Variants in MARCHF1 observed in about 807,000 individuals in gnomAD.
The protein encoded by MARCHF1 is E3 ubiquitin-protein ligase MARCHF1.
MARCHF1 carries 40 observed loss-of-function variants against 54.2 expected under a neutral mutation model. That is an observed-to-expected ratio of 0.74 (90% CI 0.57 to 0.96). MARCHF1 has a LOEUF of 0.96. MARCHF1 is among the 40% of genes least tolerant of loss of function. The probability of loss-of-function intolerance (pLI) is 0.00; values close to 1 mark genes in which losing one functional copy is unlikely to be tolerated. For synonymous variants in MARCHF1, 236 were observed against 236.3 expected (o/e 1.00, Z 0.01); for missense variants, 586 against 656.5 (o/e 0.89, Z 1.17).
intron 2 of MARCHF1, among the ~76,000 whole-genome samples, chr4:164,022,349 G>A (rs994567233): frequency 2.0e-5 from 3 of 152,192 alleles, no homozygotes; most frequent in Admixed American, 1.3e-4. Context: ...CCAAAATATA[G>A]AGTAAACCAA....
chr4:164,123,701 A>G (rs1756123835), intron 1 of MARCHF1, among the ~76,000 whole-genome samples: 1 of 152,172 alleles, frequency 6.6e-6, no homozygotes, highest in African/African-American at 2.4e-5. Flanking sequence ...ACTGGGGAAA[A>G]GACAGTCTCT....
chr4:164,277,360 T>C (rs919794563), intron 1 of MARCHF1, among the ~76,000 whole-genome samples: 1 of 152,356 alleles, frequency 6.6e-6, no homozygotes, highest in South Asian at 2.1e-4. Flanking sequence ...AAGCCCTTCA[T>C]TGGCTTCACA....
chr4:163,548,128 TGTC>T lies in MARCHF1; in HGVS notation c.1192-2388_1192-2386del, dbSNP rs1261486323. 5.3e-5 allele frequency among the ~76,000 whole-genome samples: 8 copies of T among 152,218 alleles called. No individual in the cohort carries two copies. In the East Asian group the frequency reaches 5.8e-4, roughly 11 times the overall value. On this transcript the variant is annotated intron_variant, in intron 8 of 9. Coordinates refer to ENST00000514618, the MANE Select transcript of MARCHF1 (RefSeq NM_001394959.1). ...AAATCCTGTTTTGGCTTTGGTTTAT[TGTC>T]GTATTAATCTGAATAACACATATAA... is the stretch of plus-strand genomic sequence containing the variant.
intron 9 of MARCHF1, among the ~76,000 whole-genome samples, chr4:163,541,808 G>A (rs895358757): frequency 6.6e-6 from 1 of 152,146 alleles, no homozygotes; most frequent in Non-Finnish European, 1.5e-5. Context: ...AACTTTACAA[G>A]TAAATTCAGG....
At chr4:163,552,046 CT>C (rs1287914825) in intron 8 of MARCHF1, among the ~76,000 whole-genome samples, 3 of 152,190 alleles carry the variant, frequency 2.0e-5, no homozygotes, top group Admixed American at 6.5e-5. Flanking sequence ...CATAAATGCT[CT>C]GTGAGTCTAT....
At chr4:164,147,374 G>A (rs540146467) in intron 1 of MARCHF1, among the ~76,000 whole-genome samples, 33 of 146,244 alleles carry the variant, frequency 2.3e-4, no homozygotes, top group Middle Eastern at 6.8e-3. Flanking sequence ...ACATGCGCAC[G>A]TATGTTTATT....
At chr4:163,664,736 C>T (rs1211965446) in intron 5 of MARCHF1, among the ~76,000 whole-genome samples, 2 of 151,906 alleles carry the variant, frequency 1.3e-5, no homozygotes, top group Non-Finnish European at 2.9e-5. Flanking sequence ...AAGATACTCC[C>T]CATTTTATTA....
At position 163,896,491 on chromosome 4, in the gene MARCHF1, C is replaced by T. The variant is rs531633198; in HGVS notation, c.-38-42322G>A. On this transcript the variant is annotated intron_variant, in intron 3 of 9. Coordinates refer to ENST00000514618, the MANE Select transcript of MARCHF1 (RefSeq NM_001394959.1). The stretch of plus-strand genomic sequence containing the variant: ...TCTCAGAATCTAATGATATTCACTC[C>T]CTTCTTGAAATTCCTTTCTTTCATA... Among the ~76,000 whole-genome samples, 13 of 152,178 alleles carry T rather than the reference C, an allele frequency of 8.5e-5. 1 individual carries two copies. In the South Asian group the frequency reaches 2.7e-3, roughly 32 times the overall value.
At chr4:164,185,018 A>C (rs1730930001) in intron 1 of MARCHF1, among the ~76,000 whole-genome samples, 1 of 152,120 alleles carries the variant, frequency 6.6e-6, no homozygotes, top group African/African-American at 2.4e-5. Context: ...CACAATTTTA[A>C]TGAGACATAA....
In MARCHF1 at chr4:163,861,991, T is replaced by C. The variant is rs146744315; in HGVS notation, c.-38-7822A>G. On this transcript the variant is annotated intron_variant, in intron 3 of 9. Coordinates refer to ENST00000514618, the MANE Select transcript of MARCHF1 (RefSeq NM_001394959.1). ...AAAGACTAATCTTTTCAGTCAATGG[T>C]TCTGGAACAATTGGACATTCATATG... 3.9e-4 allele frequency among the ~76,000 whole-genome samples: 60 copies of C among 152,202 alleles called. 1 individual carries two copies. The highest frequency in any genetic ancestry group is 3.9e-3 in the Admixed American group (59 of 15,266).
intron 4 of MARCHF1, among the ~76,000 whole-genome samples, chr4:163,796,791 T>G (rs959043772): frequency 5.3e-5 from 8 of 152,166 alleles, no homozygotes; most frequent in African/African-American, 1.9e-4. Context: ...TATATAGCTT[T>G]TAACCTGCAT....
intron 1 of MARCHF1, among the ~76,000 whole-genome samples, chr4:164,263,675 T>C (rs1454746769): frequency 1.6e-5 from 2 of 126,236 alleles, no homozygotes; most frequent in African/African-American, 5.1e-5. Context: ...CCCATTAAAA[T>C]TGGGCAAAGG....
chr4:164,099,947 C>T (rs559323532), intron 2 of MARCHF1, among the ~76,000 whole-genome samples: 1 of 152,188 alleles, frequency 6.6e-6, no homozygotes, highest in African/African-American at 2.4e-5. Context: ...GCAAAGAAAA[C>T]AGCCACAGCT....
chr4:164,161,251 GCTCA>G (rs1730226337), intron 1 of MARCHF1, among the ~76,000 whole-genome samples: 2 of 151,968 alleles, frequency 1.3e-5, no homozygotes, highest in African/African-American at 4.8e-5. Flanking sequence ...AAACCTCTCT[GCTCA>G]CTCTATTGTG....
At chr4:163,561,711 G>C (rs1739473962) in intron 8 of MARCHF1, among the ~76,000 whole-genome samples, 1 of 152,010 alleles carries the variant, frequency 6.6e-6, no homozygotes, top group Admixed American at 6.6e-5. Flanking sequence ...CTGGGAACCT[G>C]GATGGATATA....
intron 1 of MARCHF1, among the ~76,000 whole-genome samples, chr4:164,247,458 G>C (rs1306377529): frequency 6.6e-6 from 1 of 151,728 alleles, no homozygotes; most frequent in African/African-American, 2.4e-5. Flanking sequence ...TGACTGTTGT[G>C]GGGTGCGGGG....
chr4:163,767,098 TAAAA>T (rs530799338), intron 4 of MARCHF1, among the ~76,000 whole-genome samples: 2,580 of 106,634 alleles, frequency 0.024, 95 homozygotes, highest in African/African-American at 0.086. Flanking sequence ...TACGGCGATG[TAAAA>T]AAAAAAAAAA....
At chr4:164,003,599 A>T (rs1753227556) in intron 2 of MARCHF1, among the ~76,000 whole-genome samples, 1 of 152,130 alleles carries the variant, frequency 6.6e-6, no homozygotes, top group Non-Finnish European at 1.5e-5. Flanking sequence ...GTACCATCTC[A>T]CCAGTCAGAA....
intron 4 of MARCHF1, among the ~76,000 whole-genome samples, chr4:163,737,192 GTTTA>G (rs1420478211): frequency 0.016 from 1,310 of 79,756 alleles, 61 homozygotes; most frequent in African/African-American, 0.047. Context: ...TCACATATTA[GTTTA>G]TTTATTTATT....
Sources: gnomAD v4.1 joint callset for allele counts (sites outside exome capture counted in the v4.1 genomes callset) on GRCh38, gnomAD v4.1.1 for gene constraint, MANE v1.5 for transcripts, NCBI Gene and HGNC (gene_info 2026-07-23, HGNC 2026-07-21) for gene names.